Variants in DDHD1 observed in about 807,000 individuals in gnomAD.
DDHD1 encodes the protein phospholipase DDHD1.
Under a neutral mutation model 96.4 loss-of-function variants are expected in DDHD1, and 49 were observed. The ratio of observed to expected loss-of-function variants is 0.51; its 90% CI spans 0.40 to 0.64. The LOEUF (loss-of-function observed/expected upper bound fraction) is 0.64, where lower values mean the gene tolerates loss of function less well. Ranked by LOEUF, DDHD1 falls within the 30% of genes least tolerant of loss-of-function variation. DDHD1 has a pLI of 0.00. For synonymous variants in DDHD1, 442 were observed against 446.5 expected, an observed-to-expected ratio of 0.99 and a Z score of 0.13; for missense variants, 1,106 against 1,161.2, an observed-to-expected ratio of 0.95 and a Z score of 0.69.
At chr14:53,062,571 G>A (rs1883680530) in intron 7 of DDHD1, among the ~76,000 whole-genome samples, 1 of 151,892 alleles carries the variant, frequency 6.6e-6, no homozygotes, top group Admixed American at 6.6e-5. Context: ...AGAATAATAA[G>A]AAAGGTAGAA....
intron 2 of DDHD1, among the ~76,000 whole-genome samples, chr14:53,098,349 A>G (rs1218021026): frequency 6.6e-6 from 1 of 152,082 alleles, no homozygotes; most frequent in Admixed American, 6.5e-5. Flanking sequence ...TATATCTTAA[A>G]GAAACTTTCT....
At chr14:53,065,920 T>C (rs2139883634) in intron 6 of DDHD1, among the ~76,000 whole-genome samples, 1 of 152,368 alleles carries the variant, frequency 6.6e-6, no homozygotes, top group South Asian at 2.1e-4. Context: ...AGAATAAGTC[T>C]ATTAAAAATA....
chr14:53,051,770 T>C, intron 12 of DDHD1, 74 bp downstream of exon 12: 1 of 1,251,616 alleles, frequency 8.0e-7, no homozygotes, highest in Non-Finnish European at 1.1e-6. Flanking sequence ...TGATCCAATT[T>C]TTCAATAAGC....
intron 2 of DDHD1, chr14:53,096,187 AG>A: frequency 1.0e-6 from 1 of 985,250 alleles, no homozygotes; most frequent in Non-Finnish European, 1.2e-6. Flanking sequence ...TGAACAGAGA[AG>A]GGAGGGAGAA....
intron 1 of DDHD1, among the ~76,000 whole-genome samples, chr14:53,116,405 A>T (rs1444604305): frequency 6.6e-6 from 1 of 152,182 alleles, no homozygotes; most frequent in East Asian, 1.9e-4. Flanking sequence ...TCTCCACCCC[A>T]ATCAACAGAA....
At chr14:53,140,545 C>T (rs754931503) in intron 1 of DDHD1, among the ~76,000 whole-genome samples, 3 of 151,848 alleles carry the variant, frequency 2.0e-5, no homozygotes, top group Non-Finnish European at 2.9e-5. Context: ...AATAAACAAC[C>T]AACCAAAAAA....
At chr14:53,138,566 T>C (rs1566601770) in intron 1 of DDHD1, among the ~76,000 whole-genome samples, 1 of 152,152 alleles carries the variant, frequency 6.6e-6, no homozygotes. Context: ...GCTAATAAGG[T>C]TCTTCCAGTC....
chr14:53,125,361 T>C (rs566095512), intron 1 of DDHD1, among the ~76,000 whole-genome samples: 1 of 152,272 alleles, frequency 6.6e-6, no homozygotes, highest in South Asian at 2.1e-4. Flanking sequence ...CTCTAGGTAC[T>C]TAGCTAAGAA....
intron 6 of DDHD1, among the ~76,000 whole-genome samples, chr14:53,067,659 G>A (rs1334585079): frequency 1.3e-5 from 2 of 151,846 alleles, no homozygotes; most frequent in Non-Finnish European, 2.9e-5. Flanking sequence ...GTTTCTCCAC[G>A]TTGGTTAGGC....
intron 4 of DDHD1, among the ~76,000 whole-genome samples, chr14:53,080,448 T>C (rs1323011604): frequency 6.6e-6 from 1 of 152,200 alleles, no homozygotes. Context: ...CATTTTCCTA[T>C]AAGGTGGTTG....
chr14:53,071,342 G>A (rs2139907277), intron 6 of DDHD1, among the ~76,000 whole-genome samples: 1 of 152,040 alleles, frequency 6.6e-6, no homozygotes, highest in East Asian at 1.9e-4. Context: ...AACAATAAGT[G>A]TAAATGCTTT....
intron 4 of DDHD1, among the ~76,000 whole-genome samples, chr14:53,083,982 A>C (rs1252460957): frequency 6.6e-6 from 1 of 152,080 alleles, no homozygotes; most frequent in African/African-American, 2.4e-5. Flanking sequence ...TTATCTGTGA[A>C]TCTAGCTCTT....
chr14:53,058,346 C>T (rs1272209835), intron 9 of DDHD1, 131 bp downstream of exon 9: 2 of 1,022,012 alleles, frequency 2.0e-6, no homozygotes, highest in Middle Eastern at 2.5e-4. Flanking sequence ...AACTCCTGAC[C>T]TCAGATGATG....
At chr14:53,073,917 A>C in intron 4 of DDHD1, 70 bp from the exon 5 acceptor site, 1 of 1,347,162 alleles carries the variant, frequency 7.4e-7, no homozygotes, top group Non-Finnish European at 1.0e-6. Flanking sequence ...AATTTATATG[A>C]GATAAAATGT....
At position 53,051,847 on chromosome 14, in the gene DDHD1, G is replaced by C. The variant is rs1376706228; in HGVS notation, c.2518C>G (p.Leu840Val). 6.3e-7 allele frequency: 1 copy of C among 1,591,222 alleles called. No homozygotes were observed. ...CTATTCCTGACATATACCATACCGA[G>C]GGCATTATCTTTATTCTGCATTACA... is the stretch of plus-strand genomic sequence containing the variant. ...ENVMQNKDNA[L>V]VELDHRIDFE... The change falls in exon 12 of 13, where the codon CTC becomes GTC. Residue 840 changes from leucine to valine, a missense_variant. Around this residue, in one of 2 missense-constraint regions of DDHD1, gnomAD observed 650 missense variants for 758.8 expected, o/e 0.86. Transcript: ENST00000673822.
chr14:53,110,880 G>A lies in DDHD1; in HGVS notation c.839-7024C>T, dbSNP rs1206176169. On this transcript the variant is annotated intron_variant, in intron 1 of 12. Transcript: ENST00000673822. Reference sequence around the variant, plus strand: ...AATCCCAGCTACTCAGGAGGCTGAGGCAGAAGAATCTCTTGAACCCGGGAG... The same window carrying A: ...AATCCCAGCTACTCAGGAGGCTGAGACAGAAGAATCTCTTGAACCCGGGAG... Among the ~76,000 whole-genome samples, 3 of 152,164 alleles carry A rather than the reference G, an allele frequency of 2.0e-5. No individual in the cohort carries two copies. The East Asian group carries it at 5.8e-4, about 29-fold the overall frequency.
intron 4 of DDHD1, among the ~76,000 whole-genome samples, chr14:53,085,311 A>G (rs1331850865): frequency 1.3e-5 from 2 of 152,148 alleles, no homozygotes; most frequent in Non-Finnish European, 2.9e-5. Context: ...GAATGGACAG[A>G]TTGCCTCCTC....
At chr14:53,109,954 C>T (rs1887983845) in intron 1 of DDHD1, among the ~76,000 whole-genome samples, 1 of 152,190 alleles carries the variant, frequency 6.6e-6, no homozygotes, top group African/African-American at 2.4e-5. Flanking sequence ...AGGTTCTTTA[C>T]TGGTGTTCAA....
rs1055258878 is a variant in DDHD1, at chr14:53,040,500, A to G, written c.*6268T>C. The stretch of plus-strand genomic sequence containing the variant: ...ACTTGTTTCGGGTGAGCAAGATAAC[A>G]AACGGATCAATTCAGCTAGAGAAAC... On this transcript the variant is annotated 3_prime_UTR_variant, in exon 13 of 13. Transcript: ENST00000673822. The G allele has an allele frequency of 6.6e-6, 1 of 152,234 alleles. No homozygotes were observed. The highest frequency in any genetic ancestry group is 2.4e-5 in the African/African-American group (1 of 41,462). The allele number at this position is 152,234 out of a possible 1,614,324, so 9.4% of individuals were successfully genotyped here.
Sources: allele counts gnomAD v4.1 joint callset (sites outside exome capture counted in the v4.1 genomes callset), GRCh38; gene constraint gnomAD v4.1.1; regional missense constraint gnomAD v4.1.1; transcripts MANE v1.5; gene names NCBI Gene and HGNC (gene_info 2026-07-23, HGNC 2026-07-21).